The following CAMKMT variants were observed in gnomAD, a reference collection of about 807,000 sequenced individuals.
CAMKMT encodes the protein calmodulin-lysine N-methyltransferase.
A neutral mutation model predicts 48.0 loss-of-function variants in CAMKMT; 53 were observed. The observed-to-expected ratio is 1.10, with a 90% confidence interval of 0.89 to 1.39. The LOEUF (loss-of-function observed/expected upper bound fraction) is 1.39, where lower values mean the gene tolerates loss of function less well. CAMKMT is among the 40% of genes most tolerant of loss of function. The pLI, the probability that CAMKMT is intolerant of heterozygous loss-of-function variation, is 0.00. For synonymous variants in CAMKMT, 165 were observed against 152.3 expected, an observed-to-expected ratio of 1.08 and a Z score of -0.61; for missense variants, 428 against 402.7, an observed-to-expected ratio of 1.06 and a Z score of -0.54.
At chr2:44,649,494 G>A (rs966950297) in intron 3 of CAMKMT, among the ~76,000 whole-genome samples, 3 of 152,052 alleles carry the variant, frequency 2.0e-5, no homozygotes, top group Middle Eastern at 3.2e-3. Flanking sequence ...GTCTGAGGGA[G>A]CCAGAGAAAG....
At position 44,689,264 on chromosome 2, in the gene CAMKMT, T is replaced by TTTTTTTTA. The variant is rs1553438288; in HGVS notation, c.377-15016_377-15015insTTTTATTT. Among the ~76,000 whole-genome samples, 507 of 136,220 alleles carry TTTTTTTTA rather than the reference T, an allele frequency of 3.7e-3. 3 individuals are homozygous for TTTTTTTTA. The highest frequency in any genetic ancestry group is 0.011 in the African/African-American group (400 of 36,262). The allele number at this position is 136,220 out of a possible 152,430, so 89.4% of individuals were successfully genotyped here. On this transcript the variant is annotated intron_variant, in intron 3 of 10. Transcript: ENST00000378494. ...TTTCAAGACATGACCCAGCACTATT[T>TTTTTTTTA]TTTATTTATTTATTTATTTATTTAT...
intron 3 of CAMKMT, among the ~76,000 whole-genome samples, chr2:44,703,004 G>A (rs1677339981): frequency 6.6e-6 from 1 of 152,134 alleles, no homozygotes; most frequent in Admixed American, 6.6e-5. Context: ...CAGAGTGCTT[G>A]GTGTTGAGTC....
At chr2:44,448,077 AGTTT>A (rs1667100349) in intron 3 of CAMKMT, among the ~76,000 whole-genome samples, 1 of 152,088 alleles carries the variant, frequency 6.6e-6, no homozygotes. Context: ...ACATTCATCC[AGTTT>A]GTTGCATCTG....
chr2:44,507,782 GAATTA>G (rs1278490733), intron 3 of CAMKMT, among the ~76,000 whole-genome samples: 2 of 152,144 alleles, frequency 1.3e-5, no homozygotes, highest in Non-Finnish European at 2.9e-5. Flanking sequence ...GCTTGTACCA[GAATTA>G]AATCAACTTA....
intron 3 of CAMKMT, among the ~76,000 whole-genome samples, chr2:44,614,936 C>CTTTGTTTTTTT (rs1671791568): frequency 2.0e-5 from 1 of 48,988 alleles, no homozygotes; most frequent in Non-Finnish European, 3.3e-5. Flanking sequence ...GGTCTCCTTG[C>CTTTGTTTTTTT]TTTTTTTTTT....
chr2:44,593,954 G>T (rs1323715648), intron 3 of CAMKMT, among the ~76,000 whole-genome samples: 2 of 151,750 alleles, frequency 1.3e-5, no homozygotes, highest in African/African-American at 2.4e-5. Flanking sequence ...GTAGGGATGG[G>T]GTTTCTCTGT....
rs60435292 is a variant in CAMKMT at position 44,556,630 on chromosome 2, C to T, written c.377-147653C>T. On this transcript the variant is annotated intron_variant, in intron 3 of 10. Coordinates refer to ENST00000378494, the MANE Select transcript of CAMKMT (RefSeq NM_024766.5). ...GACTACAGGCGCCCGCCACCGCGCC[C>T]GGCTAATTTTTTGTATTTTTAGTAG... is the stretch of plus-strand genomic sequence containing the variant. 6.2e-5 allele frequency among the ~76,000 whole-genome samples: 4 copies of T among 64,688 alleles called. 2 individuals are homozygous for T. Among genetic ancestry groups the T allele is most frequent in the Non-Finnish European group, 1.3e-4 (4 of 29,990 alleles). 42.4% of individuals were successfully genotyped at this position (64,688 alleles called of 152,430 possible).
At chr2:44,597,314 C>A (rs1670722878) in intron 3 of CAMKMT, among the ~76,000 whole-genome samples, 1 of 152,226 alleles carries the variant, frequency 6.6e-6, no homozygotes, top group African/African-American at 2.4e-5. Context: ...TTTCCCTTAG[C>A]TACCTCCATA....
intron 3 of CAMKMT, among the ~76,000 whole-genome samples, chr2:44,460,747 G>T (rs1427290683): frequency 1.5e-5 from 2 of 136,466 alleles, no homozygotes; most frequent in African/African-American, 2.8e-5. Context: ...TTGAGACAGA[G>T]TCTTGCTCTG....
chr2:44,720,111 A>G (rs1678382759), intron 7 of CAMKMT, among the ~76,000 whole-genome samples: 1 of 152,172 alleles, frequency 6.6e-6, no homozygotes, highest in Non-Finnish European at 1.5e-5. Flanking sequence ...AGTGTTTTGC[A>G]CTGAAGACAC....
chr2:44,668,780 T>C (rs1409015168), intron 3 of CAMKMT, among the ~76,000 whole-genome samples: 1 of 152,052 alleles, frequency 6.6e-6, no homozygotes, highest in Non-Finnish European at 1.5e-5. Flanking sequence ...CTTTTCTTTT[T>C]TCTTTTTTCT....
intron 3 of CAMKMT, among the ~76,000 whole-genome samples, chr2:44,473,734 A>T (rs1668539924): frequency 6.6e-6 from 1 of 152,228 alleles, no homozygotes; most frequent in Non-Finnish European, 1.5e-5. Context: ...ATGTAGAATA[A>T]GTATGGTAGA....
intron 3 of CAMKMT, among the ~76,000 whole-genome samples, chr2:44,516,660 A>G (rs1489614269): frequency 2.6e-5 from 4 of 151,762 alleles, no homozygotes; most frequent in Admixed American, 1.3e-4. Context: ...AGTATTATAT[A>G]TGCTATTTTT....
intron 3 of CAMKMT, among the ~76,000 whole-genome samples, chr2:44,448,946 A>T (rs1018143811): frequency 1.3e-5 from 2 of 152,190 alleles, no homozygotes; most frequent in Non-Finnish European, 2.9e-5. Context: ...GCAAATCTGT[A>T]GAGACAGTAG....
chr2:44,762,748 TAAC>T (rs905738329), intron 9 of CAMKMT, among the ~76,000 whole-genome samples: 3 of 152,204 alleles, frequency 2.0e-5, no homozygotes, highest in South Asian at 4.1e-4. Flanking sequence ...TCTAGCAAAA[TAAC>T]AACAACTGAG....
intron 3 of CAMKMT, among the ~76,000 whole-genome samples, chr2:44,447,932 GT>G (rs1410314714): frequency 6.6e-6 from 1 of 152,094 alleles, no homozygotes. Flanking sequence ...CTGTTTTAAT[GT>G]ATTCTTATAA....
At chr2:44,463,062 G>A (rs1667930005) in intron 3 of CAMKMT, among the ~76,000 whole-genome samples, 2 of 152,164 alleles carry the variant, frequency 1.3e-5, no homozygotes, top group African/African-American at 2.4e-5. Flanking sequence ...CTGCCAGAAG[G>A]CCACAGTATC....
At chr2:44,704,373 GC>G in intron 4 of CAMKMT, 30 bp downstream of exon 4, 2 of 1,455,002 alleles carry the variant, frequency 1.4e-6, no homozygotes, top group Non-Finnish European at 1.9e-6. Context: ...ATATTTTTTA[GC>G]CCATCACGGA....
intron 3 of CAMKMT, among the ~76,000 whole-genome samples, chr2:44,620,424 T>G (rs1672115552): frequency 6.6e-6 from 1 of 152,148 alleles, no homozygotes; most frequent in Non-Finnish European, 1.5e-5. Flanking sequence ...CTAAAATTGG[T>G]TTTCTCTGTG....
Sources: gnomAD v4.1 joint callset for allele counts (sites outside exome capture counted in the v4.1 genomes callset) on GRCh38, gnomAD v4.1.1 for gene constraint, MANE v1.5 for transcripts, NCBI Gene and HGNC (gene_info 2026-07-23, HGNC 2026-07-21) for gene names.